ARHGAP12: variants seen among roughly 807,000 people sequenced by gnomAD.
ARHGAP12 encodes rho GTPase-activating protein 12.
Under a neutral mutation model 108.6 loss-of-function variants are expected in ARHGAP12, and 64 were observed. That is an observed-to-expected ratio of 0.59 (90% CI 0.48 to 0.73). ARHGAP12 has a LOEUF of 0.73. ARHGAP12 is among the 30% of genes least tolerant of loss of function. ARHGAP12 has a pLI of 0.00. For synonymous variants in ARHGAP12, 312 were observed against 337.2 expected (o/e 0.93, Z 0.82); for missense variants, 940 against 1,005.9 (o/e 0.93, Z 0.89).
intron 7 of ARHGAP12, among the ~76,000 whole-genome samples, chr10:31,841,222 A>T (rs72771480): frequency 0.11 from 16,963 of 152,138 alleles, 1,243 homozygotes; most frequent in Non-Finnish European, 0.17. Flanking sequence ...ATCTATGAAT[A>T]GTTTTAGTAA....
At chr10:31,915,361 G>C (rs1839512101) in intron 1 of ARHGAP12, among the ~76,000 whole-genome samples, 1 of 151,230 alleles carries the variant, frequency 6.6e-6, no homozygotes, top group Non-Finnish European at 1.5e-5. Flanking sequence ...ACTCCAGCCT[G>C]GGCAACAACA....
intron 1 of ARHGAP12, among the ~76,000 whole-genome samples, chr10:31,924,562 G>A (rs550071573): frequency 6.6e-6 from 1 of 152,240 alleles, no homozygotes; most frequent in Admixed American, 6.5e-5. Context: ...TGTCTCCATA[G>A]ATCATTCTTT....
In ARHGAP12 at chr10:31,806,082, C is replaced by A. The variant is rs1012787683; in HGVS notation, c.*1576G>T. On this transcript the variant is annotated 3_prime_UTR_variant, in exon 20 of 20. Coordinates refer to ENST00000344936, the MANE Select transcript of ARHGAP12 (RefSeq NM_018287.7). The stretch of plus-strand genomic sequence containing the variant: ...CCCTAAGAAAAAAAAATCCTGGTCA[C>A]AAATCACTCGCTTTCAAATATTGAT... 6.6e-6 allele frequency: 1 copy of A among 151,964 alleles called. No homozygotes were observed. The highest frequency in any genetic ancestry group is 2.4e-5 in the African/African-American group (1 of 41,352). The allele number at this position is 151,964 out of a possible 1,614,324, so 9.4% of individuals were successfully genotyped here.
At chr10:31,869,496 C>G (rs1291134455) in intron 3 of ARHGAP12, among the ~76,000 whole-genome samples, 1 of 152,018 alleles carries the variant, frequency 6.6e-6, no homozygotes, top group Non-Finnish European at 1.5e-5. Context: ...AAGACTACAC[C>G]ACTGCACTCC....
chr10:31,904,612 C>A (rs1839052604), intron 3 of ARHGAP12, among the ~76,000 whole-genome samples: 1 of 152,056 alleles, frequency 6.6e-6, no homozygotes, highest in Non-Finnish European at 1.5e-5. Flanking sequence ...ATAGAGGGTA[C>A]AAGAGACCTG....
chr10:31,853,736 C>G (rs1393835173), intron 5 of ARHGAP12, among the ~76,000 whole-genome samples: 1 of 152,076 alleles, frequency 6.6e-6, no homozygotes, highest in African/African-American at 2.4e-5. Flanking sequence ...GATAATGGCA[C>G]AGAGAGAAAA....
At chr10:31,821,280 C>G (rs1835408302) in intron 11 of ARHGAP12, among the ~76,000 whole-genome samples, 2 of 152,044 alleles carry the variant, frequency 1.3e-5, no homozygotes, top group South Asian at 4.1e-4. Flanking sequence ...ACTTAGCTAG[C>G]TATTATATTT....
chr10:31,927,405 AT>A (rs1464452484), intron 1 of ARHGAP12, among the ~76,000 whole-genome samples: 4 of 152,148 alleles, frequency 2.6e-5, no homozygotes, highest in African/African-American at 9.7e-5. Context: ...CTAGATACTT[AT>A]TTTTAACACT....
intron 3 of ARHGAP12, among the ~76,000 whole-genome samples, chr10:31,865,557 T>C (rs1179886614): frequency 1.3e-5 from 2 of 152,000 alleles, no homozygotes; most frequent in Non-Finnish European, 2.9e-5. Flanking sequence ...GTTATATAAA[T>C]TGGGAACTCA....
At chr10:31,927,468 G>C (rs1840098198) in intron 1 of ARHGAP12, among the ~76,000 whole-genome samples, 1 of 152,150 alleles carries the variant, frequency 6.6e-6, no homozygotes, top group African/African-American at 2.4e-5. Context: ...AAGTCGGGTG[G>C]CAGAACCTGA....
At position 31,812,739 on chromosome 10, in the gene ARHGAP12, A is replaced by G. The variant is rs1400672459; in HGVS notation, c.1919T>C (p.Leu640Ser). The G allele has an allele frequency of 1.9e-6, 3 of 1,608,480 alleles. No homozygotes were observed. Among genetic ancestry groups the G allele is most frequent in the Non-Finnish European group, 2.5e-6 (3 of 1,178,496 alleles). ...ATAACCTTTTTCACGAACAGCTTGC[A>G]AAGTGGGGCGTCGTGTAAGAAACTT... ...LKKFLTRRPT[L>S]QAVREKGYIK... The change falls in exon 15 of 20, where the codon TTG (leucine) becomes TCG (serine). Residue 640 changes from leucine (L) to serine (S), a missense_variant. Transcript: ENST00000344936.
intron 10 of ARHGAP12, among the ~76,000 whole-genome samples, chr10:31,829,565 G>A (rs931927001): frequency 1.3e-5 from 2 of 152,086 alleles, no homozygotes; most frequent in East Asian, 3.8e-4. Context: ...ATTTGACAAC[G>A]TCCCAATACT....
intron 3 of ARHGAP12, among the ~76,000 whole-genome samples, chr10:31,880,897 CAAAA>C (rs139344366): frequency 7.5e-6 from 1 of 133,932 alleles, no homozygotes. Flanking sequence ...TTGACTCTAC[CAAAA>C]AAAAAAAAAA....
intron 4 of ARHGAP12, among the ~76,000 whole-genome samples, chr10:31,859,478 CAT>C (rs79867121): frequency 0.45 from 68,937 of 151,884 alleles, 15,975 homozygotes; most frequent in Middle Eastern, 0.51. Flanking sequence ...TTCATACACA[CAT>C]AGTTTCCATT....
At chr10:31,919,708 G>A (rs532118655) in intron 1 of ARHGAP12, among the ~76,000 whole-genome samples, 10 of 151,916 alleles carry the variant, frequency 6.6e-5, no homozygotes, top group African/African-American at 1.9e-4. Context: ...GGAGAATGGT[G>A]TGAACCAGGG....
At chr10:31,911,019 T>C (rs1367934265) in intron 1 of ARHGAP12, among the ~76,000 whole-genome samples, 1 of 152,132 alleles carries the variant, frequency 6.6e-6, no homozygotes, top group East Asian at 1.9e-4. Flanking sequence ...ATTTTATTTA[T>C]TTTTTTATCT....
chr10:31,896,569 C>A (rs1276265292), intron 3 of ARHGAP12, among the ~76,000 whole-genome samples: 1 of 151,958 alleles, frequency 6.6e-6, no homozygotes, highest in Non-Finnish European at 1.5e-5. Context: ...AAACTTGATA[C>A]TCAAGATTGA....
chr10:31,807,882 A>G, intron 19 of ARHGAP12, 50 bp from the exon 20 acceptor site: 1 of 1,337,106 alleles, frequency 7.5e-7, no homozygotes, highest in Non-Finnish European at 1.0e-6. Flanking sequence ...AGAGAGGGAA[A>G]ATTCTTCAAA....
At chr10:31,861,167 A>G (rs910093736) in intron 4 of ARHGAP12, among the ~76,000 whole-genome samples, 2 of 152,336 alleles carry the variant, frequency 1.3e-5, no homozygotes, top group Admixed American at 1.3e-4. Flanking sequence ...ACTTAAACCC[A>G]GTTCTGGAAC....
Sources: allele counts gnomAD v4.1 joint callset (sites outside exome capture counted in the v4.1 genomes callset), GRCh38; gene constraint gnomAD v4.1.1; transcripts MANE v1.5; gene names NCBI Gene and HGNC (gene_info 2026-07-23, HGNC 2026-07-21).